KLC2: variants seen among roughly 807,000 people sequenced by gnomAD.
KLC2 encodes KLC 2.
KLC2 carries 35 observed loss-of-function variants against 75.1 expected under a neutral mutation model. The ratio of observed to expected loss-of-function variants is 0.47; its 90% CI spans 0.36 to 0.62. The LOEUF (loss-of-function observed/expected upper bound fraction) is 0.62, where lower values mean the gene tolerates loss of function less well. Ranked by LOEUF, KLC2 falls within the 20% of genes least tolerant of loss-of-function variation. The pLI is 0.00. For synonymous variants in KLC2, 314 were observed against 336.7 expected (o/e 0.93, Z 0.74); for missense variants, 611 against 833.2 (o/e 0.73, Z 3.28).
chr11:66,263,440 G>T (rs534745492), intron 5 of KLC2, among the ~76,000 whole-genome samples: 24 of 152,354 alleles, frequency 1.6e-4, no homozygotes, highest in African/African-American at 5.8e-4. Flanking sequence ...GCACCAGGCA[G>T]TCGGTGGGAC....
the KLC2 span, among the ~76,000 whole-genome samples, chr11:66,250,834 A>C: frequency 6.6e-6 from 1 of 152,230 alleles, no homozygotes; most frequent in Non-Finnish European, 1.5e-5. Flanking sequence ...GCTGGAGACC[A>C]TGGGGATGGT....
Position 66,258,687 on chromosome 11 carries a change from G to A in KLC2, c.93G>A (p.Leu31=), listed in dbSNP as rs1323669558. The change falls in exon 2 of 16, where the codon CTG becomes CTA. Residue 31 remains leucine (L), a synonymous_variant. Coordinates refer to ENST00000394067, the MANE Select transcript of KLC2 (RefSeq NM_001318734.2). The part of the protein sequence containing the change: ...TKAVIQGLET[L]RGEHRALLAP... ...CTGTCATCCAGGGACTGGAGACTCT[G>A]CGTGGGGAGCATCGTGCCCTGCTGG... 5 of 1,613,992 alleles carry A rather than the reference G, an allele frequency of 3.1e-6. No individual in the cohort carries two copies. The highest frequency in any genetic ancestry group is 4.2e-6 in the Non-Finnish European group (5 of 1,179,978).
At chr11:66,261,713 T>C (rs1311478923) in intron 2 of KLC2, 29 bp from the exon 3 acceptor site, 8 of 1,525,308 alleles carry the variant, frequency 5.2e-6, no homozygotes, top group South Asian at 1.1e-5. Context: ...TCGACAGGCC[T>C]CCGACCCTTA....
chr11:66,250,109 T>C, the KLC2 span, among the ~76,000 whole-genome samples: 7 of 152,074 alleles, frequency 4.6e-5, no homozygotes. Flanking sequence ...GTAAGCTCCT[T>C]TTCCTTTAAG....
At chr11:66,260,746 G>A (rs879576712) in intron 2 of KLC2, among the ~76,000 whole-genome samples, 62 of 152,082 alleles carry the variant, frequency 4.1e-4, no homozygotes, top group Admixed American at 1.4e-3. Flanking sequence ...ACAGGCACGC[G>A]CCACCACACC....
chr11:66,255,711 A>G (rs886718610), upstream of KLC2, among the ~76,000 whole-genome samples: 2 of 151,716 alleles, frequency 1.3e-5, no homozygotes, highest in African/African-American at 4.8e-5. Flanking sequence ...GGCTGAGGAC[A>G]GCAGTCACAG....
Position 66,262,989 on chromosome 11 carries a change from C to A in KLC2, c.705C>A (p.Asp235Glu), listed in dbSNP as rs770369160. 1.9e-6 allele frequency: 3 copies of A among 1,614,032 alleles called. No homozygotes were observed. Among genetic ancestry groups the A allele is most frequent in the Middle Eastern group, 1.7e-4 (1 of 6,060 alleles). ...LEDLEKTSGHDHPDVATMLNI... is the reference protein window; with the variant it reads ...LEDLEKTSGHEHPDVATMLNI... ...ACCTGGAGAAGACGTCAGGCCACGA[C>A]CACCCTGACGTTGCCACCATGCTGA... Residue 235 changes from aspartate to glutamate, a missense_variant, in exon 5 of 16, where the codon GAC becomes GAA. Coordinates refer to ENST00000394067, the MANE Select transcript of KLC2 (RefSeq NM_001318734.2).
At chr11:66,255,740 G>T (rs1856006025), upstream of KLC2, among the ~76,000 whole-genome samples, 1 of 151,094 alleles carries the variant, frequency 6.6e-6, no homozygotes, top group African/African-American at 2.4e-5. Flanking sequence ...ACATTTCATT[G>T]TAACTTGCTT....
upstream of KLC2, among the ~76,000 whole-genome samples, chr11:66,252,901 TG>T (rs1342975948): frequency 6.6e-6 from 1 of 151,410 alleles, no homozygotes; most frequent in East Asian, 1.9e-4. Context: ...CAACAACTAG[TG>T]GTGTCCAAGG....
chr11:66,263,465 C>A (rs1268560969), intron 5 of KLC2, among the ~76,000 whole-genome samples, 195 bp from the exon 6 acceptor site: 2 of 152,186 alleles, frequency 1.3e-5, no homozygotes, highest in Non-Finnish European at 2.9e-5. Context: ...GCACTGCGCA[C>A]CCCAGCCAAT....
chr11:66,267,766 C>T lies in KLC2; in HGVS notation c.*810C>T, dbSNP rs963661012. 11 of 460,884 alleles carry T rather than the reference C, an allele frequency of 2.4e-5. 1 individual carries two copies. The South Asian group carries it at 4.6e-4, about 19-fold the overall frequency. The allele number at this position is 460,884 out of a possible 1,614,324, so 28.5% of individuals were successfully genotyped here. On this transcript the variant is annotated 3_prime_UTR_variant, in exon 16 of 16. Coordinates refer to ENST00000394067, the MANE Select transcript of KLC2 (RefSeq NM_001318734.2). Reference sequence around the variant, plus strand: ...CTTCTCGCGAGGGGCGGCGACGGTCCCCTGGTGGCAGGAGGGGCTCCCCCT... The same window carrying T: ...CTTCTCGCGAGGGGCGGCGACGGTCTCCTGGTGGCAGGAGGGGCTCCCCCT...
chr11:66,265,655 C>T lies in KLC2; in HGVS notation c.1335C>T (p.Ser445=), dbSNP rs923711661. The change falls in exon 12 of 16, where the codon AGC becomes AGT. Residue 445 remains serine, a splice_region_variant and synonymous_variant. Coordinates refer to ENST00000394067, the MANE Select transcript of KLC2 (RefSeq NM_001318734.2). The part of the protein sequence containing the change: ...GSWYKACKVD[S]PTVNTTLRSL... ...GAGTTTGAGACTGTCCCATCCACAG[C>T]CCCACAGTCAACACCACCCTGCGCA... 7.4e-6 allele frequency: 12 copies of T among 1,610,776 alleles called. No homozygotes were observed. The highest frequency in any genetic ancestry group is 1.0e-5 in the Non-Finnish European group (12 of 1,177,992).
upstream of KLC2, among the ~76,000 whole-genome samples, chr11:66,254,446 GC>G (rs1855987195): frequency 6.6e-6 from 1 of 151,518 alleles, no homozygotes; most frequent in African/African-American, 2.4e-5. Flanking sequence ...TGGGATGATC[GC>G]TTGATCCCAG....
Position 66,266,519 on chromosome 11 carries a change from G to A in KLC2, c.1785+29G>A, listed in dbSNP as rs780776676. 7 of 1,607,844 alleles carry A rather than the reference G, an allele frequency of 4.4e-6. No homozygotes were observed. In the Admixed American group the frequency reaches 1.2e-4, roughly 27 times the overall value. On this transcript the variant is annotated intron_variant, in intron 15 of 15. Coordinates refer to ENST00000394067, the MANE Select transcript of KLC2 (RefSeq NM_001318734.2). The stretch of plus-strand genomic sequence containing the variant: ...GGGGCAGGCGGGTGTCTGGGCACTG[G>A]GCAGCTGCGGCCGGGGCTGCATGCG...
chr11:66,261,356 C>T (rs1856401217), intron 2 of KLC2: 1 of 176,818 alleles, frequency 5.7e-6, no homozygotes. Flanking sequence ...TAGCAGAGTT[C>T]TGTGGGCAAG....
In KLC2 at chr11:66,262,850, A is replaced by AT; in HGVS notation, c.567dup (p.Gly190TrpfsTer49). The AT allele has an allele frequency of 6.2e-7, 1 of 1,613,428 alleles. No individual in the cohort carries two copies. Among genetic ancestry groups the AT allele is most frequent in the Non-Finnish European group, 8.5e-7 (1 of 1,179,934 alleles). On this transcript the variant is annotated frameshift_variant, in exon 5 of 16. Transcript: ENST00000394067. LOFTEE classifies it high-confidence loss of function. The stretch of plus-strand genomic sequence containing the variant: ...GGAGGAGGGGATGTGTCTGGTCAGC[A>AT]TGGGGGCTACGAGATCCCGGCCCGG...
At chr11:66,265,825 A>G in intron 12 of KLC2, 29 bp from the exon 13 acceptor site, 1 of 1,592,138 alleles carries the variant, frequency 6.3e-7, no homozygotes, top group Non-Finnish European at 8.6e-7. Flanking sequence ...TGGTCCATTC[A>G]CTGCCTGATG....
chr11:66,267,585 G>A lies in KLC2; in HGVS notation c.*629G>A, dbSNP rs1856930639. On this transcript the variant is annotated 3_prime_UTR_variant, in exon 16 of 16. Coordinates refer to ENST00000394067, the MANE Select transcript of KLC2 (RefSeq NM_001318734.2). ...GCCATCGCCCCGTGGCCCAGGACGG[G>A]GACCTCCCCTTAGTCCGTCCTCCCA... 1.6e-6 allele frequency: 1 copy of A among 617,624 alleles called. No homozygotes were observed. The highest frequency in any genetic ancestry group is 2.9e-6 in the Non-Finnish European group (1 of 341,298). The allele number at this position is 617,624 out of a possible 1,614,324, so 38.3% of individuals were successfully genotyped here.
At chr11:66,249,116 A>G in the KLC2 span, among the ~76,000 whole-genome samples, 1 of 152,106 alleles carries the variant, frequency 6.6e-6, no homozygotes, top group Non-Finnish European at 1.5e-5. Context: ...TTTGAGGAGT[A>G]TTGGTCAGGC....
Sources: gnomAD v4.1 joint callset for allele counts (sites outside exome capture counted in the v4.1 genomes callset) on GRCh38, gnomAD v4.1.1 for gene constraint, MANE v1.5 for transcripts, NCBI Gene and HGNC (gene_info 2026-07-23, HGNC 2026-07-21) for gene names.